Variants in ANO2 observed in about 807,000 individuals in gnomAD.
ANO2 encodes anoctamin-2.
ANO2 carries 101 observed loss-of-function variants against 124.2 expected under a neutral mutation model. That is an observed-to-expected ratio of 0.81 (90% CI 0.69 to 0.96). The LOEUF (loss-of-function observed/expected upper bound fraction) is 0.96, where lower values mean the gene tolerates loss of function less well. ANO2 is among the 40% of genes least tolerant of loss of function. ANO2 has a pLI of 0.00. For missense variants in ANO2, 1,293 were observed against 1,274.5 expected (o/e 1.01, Z -0.22); for synonymous variants, 486 against 482.5 (o/e 1.01, Z -0.09).
At chr12:5,678,231 G>A (rs929169185) in intron 14 of ANO2, among the ~76,000 whole-genome samples, 14 of 152,188 alleles carry the variant, frequency 9.2e-5, no homozygotes, top group Non-Finnish European at 1.5e-5. Flanking sequence ...GATTGAGAAA[G>A]ACTTAGTTTG....
intron 8 of ANO2, among the ~76,000 whole-genome samples, chr12:5,806,795 A>C (rs1227928795): frequency 6.6e-6 from 1 of 152,244 alleles, no homozygotes; most frequent in African/African-American, 2.4e-5. Context: ...CTTCAAAAAA[A>C]ATTTTTTTTA....
chr12:5,878,783 G>C (rs1938286929), intron 3 of ANO2, among the ~76,000 whole-genome samples: 2 of 152,326 alleles, frequency 1.3e-5, no homozygotes, highest in African/African-American at 2.4e-5. Flanking sequence ...TTGTGACTTA[G>C]AGATGCCAGG....
intron 10 of ANO2, among the ~76,000 whole-genome samples, chr12:5,789,077 C>T (rs1222802911): frequency 6.6e-6 from 1 of 152,212 alleles, no homozygotes; most frequent in Non-Finnish European, 1.5e-5. Flanking sequence ...GGGATGTGAT[C>T]TCACGGGACT....
chr12:5,933,424 T>G (rs1942514921), intron 1 of ANO2, among the ~76,000 whole-genome samples: 1 of 152,140 alleles, frequency 6.6e-6, no homozygotes, highest in Non-Finnish European at 1.5e-5. Flanking sequence ...AACAACATAA[T>G]TAGATTACAT....
chr12:5,682,632 G>A (rs1050196586), intron 14 of ANO2, among the ~76,000 whole-genome samples: 10 of 152,276 alleles, frequency 6.6e-5, no homozygotes, highest in South Asian at 2.1e-4. Flanking sequence ...GAAATACCAC[G>A]TTAGGCATTG....
At chr12:5,883,593 A>C (rs1255483159) in intron 3 of ANO2, among the ~76,000 whole-genome samples, 1 of 150,192 alleles carries the variant, frequency 6.7e-6, no homozygotes, top group African/African-American at 2.5e-5. Context: ...GACTTTCTTC[A>C]AGCTTTGAGA....
rs377720747 is a variant in ANO2, at chr12:5,563,548, G to A, written c.2748C>T (p.Ser916=). Residue 916 remains serine, a synonymous_variant, in exon 25 of 25, where the codon AGC becomes AGT. Transcript: ENST00000682330. ...CTGGAATCATCCAGTCCACGAGGAC[G>A]CTCAGGAACATCACGAGGTTCTGCA... The part of the protein sequence containing the change: ...IIFQNLVMFL[S]VLVDWMIPDI... The A allele has an allele frequency of 5.0e-5, 81 of 1,613,836 alleles. No individual in the cohort carries two copies. The highest frequency in any genetic ancestry group is 4.9e-4 in the African/African-American group (37 of 74,924).
At chr12:5,599,258 C>T (rs1250483543) in intron 20 of ANO2, among the ~76,000 whole-genome samples, 2 of 152,194 alleles carry the variant, frequency 1.3e-5, no homozygotes. Context: ...GAATTATCCA[C>T]CAAACTGTTG....
At chr12:5,761,369 C>T (rs1036077083) in intron 10 of ANO2, among the ~76,000 whole-genome samples, 13 of 152,140 alleles carry the variant, frequency 8.5e-5, no homozygotes, top group Non-Finnish European at 1.9e-4. Flanking sequence ...TAGTCCACAT[C>T]CCCCATAAGA....
At chr12:5,595,188 GTGTT>G (rs964089497) in intron 20 of ANO2, among the ~76,000 whole-genome samples, 3 of 152,040 alleles carry the variant, frequency 2.0e-5, no homozygotes, top group African/African-American at 7.2e-5. Flanking sequence ...GACATACCGA[GTGTT>G]TGAGTTTTGT....
At chr12:5,741,911 T>C (rs1024971178) in intron 12 of ANO2, among the ~76,000 whole-genome samples, 2 of 152,170 alleles carry the variant, frequency 1.3e-5, no homozygotes, top group African/African-American at 2.4e-5. Context: ...CCCTAGCTGG[T>C]AAGGAGCAGA....
chr12:5,563,516 G>C lies in ANO2; in HGVS notation c.2780C>G (p.Pro927Arg). 1.4e-5 allele frequency: 23 copies of C among 1,613,958 alleles called. No homozygotes were observed. The highest frequency in any genetic ancestry group is 1.9e-5 in the Non-Finnish European group (23 of 1,179,900). ...VLVDWMIPDI[P>R]TDISDQIKKE... is the part of the protein sequence containing the mutation. ...CTTGATCTGGTCGCTGATGTCCGTGGGGATGTCTGGAATCATCCAGTCCAC... is the reference window on the plus strand; with the variant it reads ...CTTGATCTGGTCGCTGATGTCCGTGCGGATGTCTGGAATCATCCAGTCCAC... The change falls in exon 25 of 25, where the codon CCC becomes CGC. Residue 927 changes from proline (P) to arginine (R), a missense_variant. By Grantham distance (103) the Pro-to-Arg change is moderately radical. Transcript: ENST00000682330.
At chr12:5,926,472 C>A (rs55821032) in intron 1 of ANO2, among the ~76,000 whole-genome samples, 7,830 of 152,224 alleles carry the variant, frequency 0.051, 697 homozygotes, top group African/African-American at 0.17. Context: ...GTCTCCACCC[C>A]CTCTCTCCTG....
chr12:5,683,146 C>T (rs560022798), intron 14 of ANO2, among the ~76,000 whole-genome samples: 3 of 152,334 alleles, frequency 2.0e-5, no homozygotes, highest in South Asian at 4.1e-4. Context: ...GTAAGACAAC[C>T]TACCTCCAGC....
intron 14 of ANO2, among the ~76,000 whole-genome samples, chr12:5,677,789 G>A (rs571604047): frequency 5.9e-5 from 9 of 152,270 alleles, no homozygotes; most frequent in South Asian, 4.1e-4. Context: ...CATTTGTCCC[G>A]GCTTTTCTTC....
chr12:5,623,669 C>T (rs12828871), intron 16 of ANO2, among the ~76,000 whole-genome samples: 1 of 152,206 alleles, frequency 6.6e-6, no homozygotes, highest in African/African-American at 2.4e-5. Context: ...GCTGCAGGCT[C>T]TGAATCTTGG....
At position 5,621,733 on chromosome 12, in the gene ANO2, T is replaced by C. The variant is rs140584280; in HGVS notation, c.1817-6436A>G. ...ACTGGGTTCTACTTCCAGATGAGCA[T>C]GGGGAAGGAGCAGAGACTGATCTGG... On this transcript the variant is annotated intron_variant, in intron 16 of 24. Coordinates refer to ENST00000682330, the MANE Select transcript of ANO2 (RefSeq NM_001364791.2). 2.0e-3 allele frequency among the ~76,000 whole-genome samples: 305 copies of C among 151,138 alleles called. 2 individuals carry two copies. Among genetic ancestry groups the C allele is most frequent in the African/African-American group, 7.1e-3 (290 of 41,086 alleles).
intron 14 of ANO2, among the ~76,000 whole-genome samples, chr12:5,713,508 G>A (rs1949893258): frequency 6.6e-6 from 1 of 152,136 alleles, no homozygotes; most frequent in South Asian, 2.1e-4. Flanking sequence ...AGGTGGCTAA[G>A]GGCAATGCTA....
At chr12:5,791,433 T>A (rs1049336912) in intron 10 of ANO2, among the ~76,000 whole-genome samples, 1 of 152,148 alleles carries the variant, frequency 6.6e-6, no homozygotes, top group African/African-American at 2.4e-5. Context: ...GGCCCCATCA[T>A]AAGCCAAGGT....
Sources: allele counts gnomAD v4.1 joint callset (sites outside exome capture counted in the v4.1 genomes callset), GRCh38; gene constraint gnomAD v4.1.1; transcripts MANE v1.5; gene names NCBI Gene and HGNC (gene_info 2026-07-23, HGNC 2026-07-21).